SCN11A: variants seen among roughly 807,000 people sequenced by gnomAD.
The protein encoded by SCN11A is sodium channel protein type 11 subunit alpha.
Under a neutral mutation model 162.2 loss-of-function variants are expected in SCN11A, and 122 were observed. That is an observed-to-expected ratio of 0.75 (90% CI 0.65 to 0.87). The LOEUF is 0.87. SCN11A is among the 40% of genes least tolerant of loss of function. The probability of loss-of-function intolerance (pLI) is 0.00; values close to 1 mark genes in which losing one functional copy is unlikely to be tolerated. For missense variants in SCN11A, 2,015 were observed against 2,181.6 expected (o/e 0.92, Z 1.52); for synonymous variants, 758 against 751.5 (o/e 1.01, Z -0.14).
chr3:38,905,262 A>T lies in SCN11A; in HGVS notation c.1533T>A (p.Asp511Glu), dbSNP rs760577361. Residue 511 changes from aspartate (D) to glutamate (E), a missense_variant, in exon 15 of 30, where the codon GAT becomes GAA. Coordinates refer to ENST00000302328, the MANE Select transcript of SCN11A (RefSeq NM_001349253.2). ...GCCTTTGGAGAGGATCTCCATGCTC[A>T]TCAAAGTGGTCCAGTGATAGATTCT... ...LSQNLSLDHF[D>E]EHGDPLQRQR... is the part of the protein sequence containing the mutation. 2 of 1,614,114 alleles carry T rather than the reference A, an allele frequency of 1.2e-6. No homozygotes were observed. The highest frequency in any genetic ancestry group is 1.7e-6 in the Non-Finnish European group (2 of 1,179,990).
At chr3:39,030,589 G>A (rs1315216234) in intron 2 of SCN11A, among the ~76,000 whole-genome samples, 1 of 152,112 alleles carries the variant, frequency 6.6e-6, no homozygotes, top group African/African-American at 2.4e-5. Flanking sequence ...CCAAGAGCTT[G>A]AAATTATTTT....
chr3:38,995,265 C>A (rs895309069), intron 2 of SCN11A, among the ~76,000 whole-genome samples: 5 of 151,972 alleles, frequency 3.3e-5, no homozygotes, highest in African/African-American at 7.3e-5. Context: ...GGACTACAGG[C>A]ACCCACCACC....
Position 38,846,591 on chromosome 3 carries a change from T to C in SCN11A, c.*103A>G. 4.9e-6 allele frequency: 4 copies of C among 814,204 alleles called. No individual in the cohort carries two copies. The South Asian group carries it at 6.7e-5, about 14-fold the overall frequency. 50.4% of individuals were successfully genotyped at this position (814,204 alleles called of 1,614,324 possible). A position where few individuals can be genotyped will look rare whatever the true frequency, so the allele number is the denominator to read the frequency against. On this transcript the variant is annotated 3_prime_UTR_variant, in exon 30 of 30. Coordinates refer to ENST00000302328, the MANE Select transcript of SCN11A (RefSeq NM_001349253.2). ...CAGAAAAGAAAATGGAATGGCTAATTTGGTGAATCCACTCCCTGTTGATAC... is the reference window on the plus strand; with the variant it reads ...CAGAAAAGAAAATGGAATGGCTAATCTGGTGAATCCACTCCCTGTTGATAC...
rs1034491052 is a variant in SCN11A at position 38,874,283 on chromosome 3, A to G, written c.3394-1989T>C. On this transcript the variant is annotated intron_variant, in intron 23 of 29. Coordinates refer to ENST00000302328, the MANE Select transcript of SCN11A (RefSeq NM_001349253.2). ...GGCATTTTCCTATATCCTTCTAAAT[A>G]TCGATGTTATCCAACTTTAAAATTT... Among the ~76,000 whole-genome samples the G allele has an allele frequency of 2.0e-5, 3 of 152,074 alleles. No homozygotes were observed. In the East Asian group the frequency reaches 5.8e-4, roughly 29 times the overall value.
At chr3:38,944,229 T>C (rs886599000) in intron 7 of SCN11A, among the ~76,000 whole-genome samples, 7 of 152,220 alleles carry the variant, frequency 4.6e-5, no homozygotes, top group Admixed American at 1.3e-4. Flanking sequence ...GTTATTAGAA[T>C]ACACTGCTGA....
At chr3:39,004,687 C>G (rs1395902693) in intron 2 of SCN11A, among the ~76,000 whole-genome samples, 1 of 151,904 alleles carries the variant, frequency 6.6e-6, no homozygotes, top group African/African-American at 2.4e-5. Context: ...TTGTTTGTGT[C>G]TTCTCTGATT....
intron 2 of SCN11A, among the ~76,000 whole-genome samples, chr3:39,027,236 A>G (rs944917955): frequency 1.3e-5 from 2 of 152,186 alleles, no homozygotes; most frequent in African/African-American, 4.8e-5. Context: ...CCTTTACTCA[A>G]TAAAGACTAT....
chr3:38,853,488 T>C (rs1456965492), intron 28 of SCN11A, among the ~76,000 whole-genome samples: 1 of 152,240 alleles, frequency 6.6e-6, no homozygotes, highest in African/African-American at 2.4e-5. Context: ...TCTCTCACTA[T>C]ATAAAAGATA....
intron 7 of SCN11A, among the ~76,000 whole-genome samples, chr3:38,934,093 T>C (rs1373529371): frequency 6.6e-6 from 1 of 152,200 alleles, no homozygotes; most frequent in East Asian, 1.9e-4. Flanking sequence ...GAAAAGAATT[T>C]TCAACCCAGA....
chr3:38,984,069 T>A (rs551557994), intron 2 of SCN11A, among the ~76,000 whole-genome samples: 1 of 152,224 alleles, frequency 6.6e-6, no homozygotes, highest in Non-Finnish European at 1.5e-5. Flanking sequence ...GTCATCCTTC[T>A]ACAGCCTCCC....
At chr3:38,900,647 C>A (rs2065685160) in intron 16 of SCN11A, among the ~76,000 whole-genome samples, 1 of 146,330 alleles carries the variant, frequency 6.8e-6, no homozygotes. Context: ...AAAAAAAAGT[C>A]TTTGAGCAAC....
chr3:39,031,575 G>GA (rs1268308869), intron 2 of SCN11A, among the ~76,000 whole-genome samples: 4 of 150,614 alleles, frequency 2.7e-5, no homozygotes, highest in Non-Finnish European at 5.9e-5. Context: ...GAAGGAAAAA[G>GA]AAAAAGAAAG....
intron 10 of SCN11A, among the ~76,000 whole-genome samples, chr3:38,920,382 A>G (rs1161963406): frequency 3.3e-5 from 5 of 152,102 alleles, no homozygotes; most frequent in African/African-American, 1.2e-4. Context: ...CTCAGCATGG[A>G]GAGGGTGGGC....
At chr3:38,881,986 T>G (rs542456341) in intron 22 of SCN11A, among the ~76,000 whole-genome samples, 10 of 152,230 alleles carry the variant, frequency 6.6e-5, no homozygotes, top group Non-Finnish European at 1.5e-4. Flanking sequence ...TAAGTACCAT[T>G]TGTGGAATAA....
chr3:38,929,537 G>T (rs758809887), intron 7 of SCN11A, among the ~76,000 whole-genome samples: 3 of 152,060 alleles, frequency 2.0e-5, no homozygotes, highest in Admixed American at 2.0e-4. Context: ...TAGTTAAGAC[G>T]GTATCTTTTA....
At chr3:38,940,739 T>G (rs2066430562) in intron 7 of SCN11A, among the ~76,000 whole-genome samples, 1 of 152,176 alleles carries the variant, frequency 6.6e-6, no homozygotes, top group Admixed American at 6.5e-5. Flanking sequence ...AGTCCTTTTA[T>G]AACTCAAGGC....
At chr3:39,044,826 A>G (rs1021884735) in intron 1 of SCN11A, among the ~76,000 whole-genome samples, 11 of 152,280 alleles carry the variant, frequency 7.2e-5, no homozygotes, top group African/African-American at 2.4e-4. Context: ...TAAAGATTAG[A>G]GCAGAAATAA....
Position 38,937,168 on chromosome 3 carries a change from T to C in SCN11A, c.488+8243A>G, listed in dbSNP as rs1355099097. On this transcript the variant is annotated intron_variant, in intron 7 of 29. Coordinates refer to ENST00000302328, the MANE Select transcript of SCN11A (RefSeq NM_001349253.2). ...TGGTGCTGGGAAAACTGGCTAGCCA[T>C]ATGTAGAAAGCTGAAACTGGATCCC... Among the ~76,000 whole-genome samples the C allele has an allele frequency of 2.6e-5, 4 of 151,960 alleles. No individual in the cohort carries two copies. In the East Asian group the frequency reaches 5.8e-4, roughly 22 times the overall value.
intron 14 of SCN11A, 47 bp from the exon 15 acceptor site, chr3:38,905,368 T>C (rs374622486): frequency 4.4e-6 from 7 of 1,581,260 alleles, no homozygotes; most frequent in Non-Finnish European, 6.0e-6. Flanking sequence ...GGGCTGCCTC[T>C]CCTCAAAACT....
Sources: gnomAD v4.1 joint callset for allele counts (sites outside exome capture counted in the v4.1 genomes callset) on GRCh38, gnomAD v4.1.1 for gene constraint, MANE v1.5 for transcripts, NCBI Gene and HGNC (gene_info 2026-07-23, HGNC 2026-07-21) for gene names.